Variants in KLHL29 observed in about 807,000 individuals in gnomAD.
KLHL29 encodes the protein kelch-like protein 29.
KLHL29 carries 21 observed loss-of-function variants against 80.4 expected under a neutral mutation model. The ratio of observed to expected loss-of-function variants is 0.26; its 90% confidence interval spans 0.19 to 0.38. KLHL29 has a LOEUF of 0.38. Ranked by LOEUF, KLHL29 falls within the 10% of genes least tolerant of loss-of-function variation. The pLI is 1.00. For synonymous variants in KLHL29, 511 were observed against 526.8 expected, an observed-to-expected ratio of 0.97 and a Z score of 0.41; for missense variants, 867 against 1,223.9, an observed-to-expected ratio of 0.71 and a Z score of 4.35.
At chr2:23,473,197 A>T (rs1242965671) in intron 1 of KLHL29, among the ~76,000 whole-genome samples, 1 of 152,132 alleles carries the variant, frequency 6.6e-6, no homozygotes, top group African/African-American at 2.4e-5. Context: ...ACCAACAGTC[A>T]ACCCTGACCC....
intron 3 of KLHL29, among the ~76,000 whole-genome samples, chr2:23,620,872 G>A (rs745401063): frequency 1.3e-5 from 2 of 152,236 alleles, no homozygotes; most frequent in Non-Finnish European, 2.9e-5. Flanking sequence ...GTGTGCTGCC[G>A]CGATGGGAAC....
chr2:23,482,017 G>C (rs1664810184), intron 2 of KLHL29, among the ~76,000 whole-genome samples: 1 of 152,164 alleles, frequency 6.6e-6, no homozygotes, highest in Non-Finnish European at 1.5e-5. Context: ...ACCCAGTTCA[G>C]GATTGTGGAA....
intron 3 of KLHL29, among the ~76,000 whole-genome samples, chr2:23,577,806 T>C (rs1278069922): frequency 6.6e-6 from 1 of 150,996 alleles, no homozygotes; most frequent in African/African-American, 2.4e-5. Context: ...GTCAGGTCTG[T>C]CATTTAGTTA....
intron 2 of KLHL29, among the ~76,000 whole-genome samples, chr2:23,501,457 A>T (rs1238984659): frequency 2.0e-5 from 3 of 152,140 alleles, no homozygotes; most frequent in African/African-American, 7.2e-5. Context: ...TAGCATGGGC[A>T]TCGAGGACAG....
intron 11 of KLHL29, among the ~76,000 whole-genome samples, chr2:23,699,809 C>T (rs1220258793): frequency 1.3e-5 from 2 of 152,210 alleles, no homozygotes; most frequent in African/African-American, 2.4e-5. Context: ...CACTGCAAGG[C>T]AGCCTTTCTG....
intron 2 of KLHL29, among the ~76,000 whole-genome samples, chr2:23,520,995 C>G (rs79644008): frequency 7.2e-4 from 65 of 90,672 alleles, no homozygotes; most frequent in South Asian, 2.6e-3. Flanking sequence ...AAAGACCACC[C>G]CCCCCCCCGC....
chr2:23,562,447 T>A lies in KLHL29; in HGVS notation c.251T>A (p.Leu84His). The A allele has an allele frequency of 6.5e-7, 1 of 1,536,758 alleles. No homozygotes were observed. Among genetic ancestry groups the A allele is most frequent in the Non-Finnish European group, 8.7e-7 (1 of 1,146,768 alleles). ...TTGSSEAITS[L>H]VASSASAVTT... ...GGCAGCAGCGAGGCCATCACCAGCCTCGTGGCCAGCTCTGCGTCTGCGGTC... is the reference window on the plus strand; with the variant it reads ...GGCAGCAGCGAGGCCATCACCAGCCACGTGGCCAGCTCTGCGTCTGCGGTC... Residue 84 changes from leucine to histidine, a missense_variant, in exon 3 of 14, where the codon CTC becomes CAC. Physicochemically the swap from Leu to His is moderately conservative, Grantham distance 99. This residue lies in a region of KLHL29 where 424 missense variants were observed against 456.9 expected (regional missense o/e 0.93). Transcript: ENST00000486442. The surrounding 1 kb of genome is among the most constrained non-coding windows in gnomAD (Gnocchi z 4.5).
At chr2:23,487,182 C>A (rs759744422) in intron 2 of KLHL29, among the ~76,000 whole-genome samples, 39 of 151,960 alleles carry the variant, frequency 2.6e-4, no homozygotes, top group Non-Finnish European at 4.9e-4. Context: ...TTGTGTGTGA[C>A]CTTTGTCTCT....
At chr2:23,565,038 G>C (rs530234216) in intron 3 of KLHL29, among the ~76,000 whole-genome samples, 3 of 152,308 alleles carry the variant, frequency 2.0e-5, no homozygotes, top group African/African-American at 7.2e-5. Flanking sequence ...CGTTGTACTT[G>C]CGAGCAGAGT....
rs543704659 is a variant in KLHL29 at position 23,395,330 on chromosome 2, G to A, written c.-154+9550G>A. ...CATTGGCCGCTGCTGCTATTGATTT[G>A]TCTCTCCATCACAGTAGAGAGGGGT... On this transcript the variant is annotated intron_variant, in intron 1 of 13. Coordinates refer to ENST00000486442, the MANE Select transcript of KLHL29 (RefSeq NM_052920.2). Among the ~76,000 whole-genome samples the A allele has an allele frequency of 5.3e-5, 8 of 152,272 alleles. No homozygotes were observed. In the East Asian group the frequency reaches 1.5e-3, roughly 29 times the overall value.
At chr2:23,533,571 C>T (rs1234250281) in intron 2 of KLHL29, among the ~76,000 whole-genome samples, 3 of 152,204 alleles carry the variant, frequency 2.0e-5, no homozygotes. Context: ...GCTCGCAGAT[C>T]AAAGCTGGGA....
intron 1 of KLHL29, among the ~76,000 whole-genome samples, chr2:23,461,723 G>A (rs539461111): frequency 6.6e-6 from 1 of 151,878 alleles, no homozygotes; most frequent in African/African-American, 2.4e-5. Context: ...TCTTTGCTGG[G>A]GGGGCAGGGG....
intron 2 of KLHL29, among the ~76,000 whole-genome samples, chr2:23,547,125 C>T (rs1012335694): frequency 1.3e-5 from 2 of 152,198 alleles, no homozygotes; most frequent in African/African-American, 2.4e-5. Flanking sequence ...TCTCTGCACA[C>T]GGAGGCTGTC....
At chr2:23,648,110 C>A (rs143211801) in intron 5 of KLHL29, among the ~76,000 whole-genome samples, 183 of 152,046 alleles carry the variant, frequency 1.2e-3, no homozygotes, top group African/African-American at 4.1e-3. Flanking sequence ...CAGCCCGTCA[C>A]CCCCCGACAC....
chr2:23,410,231 C>T (rs1666830094), intron 1 of KLHL29, among the ~76,000 whole-genome samples: 1 of 151,728 alleles, frequency 6.6e-6, no homozygotes, highest in Admixed American at 6.6e-5. Context: ...CTGTGAAACA[C>T]TAAGGAAGAA....
intron 13 of KLHL29, 61 bp downstream of exon 13, chr2:23,703,924 G>T: frequency 6.8e-7 from 1 of 1,471,148 alleles, no homozygotes; most frequent in South Asian, 1.3e-5. Context: ...GGAGGGGTGT[G>T]ACCACAATGA....
At chr2:23,608,165 G>GA (rs1447827356) in intron 3 of KLHL29, among the ~76,000 whole-genome samples, 1 of 152,160 alleles carries the variant, frequency 6.6e-6, no homozygotes, top group African/African-American at 2.4e-5. Context: ...TGATGGGAGG[G>GA]AAAAAGGAAT....
chr2:23,615,698 G>A (rs560475089), intron 3 of KLHL29, among the ~76,000 whole-genome samples: 5 of 152,304 alleles, frequency 3.3e-5, no homozygotes, highest in African/African-American at 9.6e-5. Flanking sequence ...AGTCTAGGGG[G>A]CTTCACATCC....
chr2:23,660,937 A>C (rs1216672049), intron 5 of KLHL29, among the ~76,000 whole-genome samples: 1 of 152,144 alleles, frequency 6.6e-6, no homozygotes, highest in Admixed American at 6.5e-5. Flanking sequence ...AGGCTGAGGC[A>C]GGAGAATCAC....
Sources: gnomAD v4.1 joint callset for allele counts (sites outside exome capture counted in the v4.1 genomes callset) on GRCh38, gnomAD v4.1.1 for gene constraint, gnomAD v4.1.1 regional missense constraint, Gnocchi (gnomAD v3.1) non-coding constraint, MANE v1.5 for transcripts, NCBI Gene and HGNC (gene_info 2026-07-23, HGNC 2026-07-21) for gene names.